The following TSPAN15 variants were observed in gnomAD, a reference collection of about 807,000 sequenced individuals.
TSPAN15 encodes the protein tetraspanin 15, also known as tetraspanin-15.
A neutral mutation model predicts 34.5 loss-of-function variants in TSPAN15; 20 were observed. The ratio of observed to expected loss-of-function variants is 0.58; its 90% confidence interval spans 0.41 to 0.84. The LOEUF (loss-of-function observed/expected upper bound fraction) is 0.84, where lower values mean the gene tolerates loss of function less well. TSPAN15 is among the 40% of genes least tolerant of loss of function. The pLI is 0.00. For synonymous variants in TSPAN15, 155 were observed against 153.9 expected (o/e 1.01, Z -0.05); for missense variants, 313 against 386.1 (o/e 0.81, Z 1.59).
intron 1 of TSPAN15, among the ~76,000 whole-genome samples, chr10:69,476,908 C>T (rs529198039): frequency 6.6e-6 from 1 of 152,076 alleles, no homozygotes; most frequent in South Asian, 2.1e-4. Context: ...GGAGGTGGGG[C>T]CGGTGCTCCC....
In TSPAN15 at chr10:69,485,207, C is replaced by T. The variant is rs769438162; in HGVS notation, c.349C>T (p.Arg117Trp). 2.2e-5 allele frequency: 36 copies of T among 1,614,018 alleles called. No homozygotes were observed. The highest frequency in any genetic ancestry group is 2.7e-5 in the Non-Finnish European group (32 of 1,179,980). Residue 117 changes from arginine (R) to tryptophan (W), a missense_variant, in exon 3 of 8, where the codon CGG becomes TGG. Physicochemically the swap from Arg to Trp is moderately radical, Grantham distance 101 (BLOSUM62 -3). Transcript: ENST00000373290. ...TGGTGGCGTGGTGGCCTTGACCTTC[C>T]GGAACCAGGTGGGCCTGTGGATTTG... Reference protein sequence around the residue: ...LIGGVVALTFRNQTIDFLNDN... With the variant: ...LIGGVVALTFWNQTIDFLNDN...
At chr10:69,513,483 A>G in the TSPAN15 span, among the ~76,000 whole-genome samples, 1 of 152,138 alleles carries the variant, frequency 6.6e-6, no homozygotes, top group Non-Finnish European at 1.5e-5. Context: ...CTGGGATTAC[A>G]GGCATGAGCC....
At chr10:69,515,823 C>T in the TSPAN15 span, among the ~76,000 whole-genome samples, 15 of 152,304 alleles carry the variant, frequency 9.8e-5, no homozygotes, top group African/African-American at 2.6e-4. Flanking sequence ...CTAGGTGGCG[C>T]GGCTGACCCA....
the TSPAN15 span, among the ~76,000 whole-genome samples, chr10:69,536,125 A>G: frequency 6.6e-6 from 1 of 152,344 alleles, no homozygotes; most frequent in African/African-American, 2.4e-5. Flanking sequence ...TCCTGTCATC[A>G]AGCACTGGGC....
chr10:69,533,692 TAATC>T, the TSPAN15 span, among the ~76,000 whole-genome samples: 6 of 152,164 alleles, frequency 3.9e-5, no homozygotes, highest in African/African-American at 1.4e-4. Context: ...AAAAGAAAAT[TAATC>T]AAACCCAAGG....
At chr10:69,537,205 C>T in the TSPAN15 span, among the ~76,000 whole-genome samples, 15,528 of 152,092 alleles carry the variant, frequency 0.1, 1,212 homozygotes, top group East Asian at 0.42. Flanking sequence ...GGCTGCAGGG[C>T]AACAACCGTT....
chr10:69,516,477 G>T, the TSPAN15 span, among the ~76,000 whole-genome samples: 1 of 152,204 alleles, frequency 6.6e-6, no homozygotes, highest in Non-Finnish European at 1.5e-5. Context: ...TTAGACAGCT[G>T]CAGAGGGGCC....
chr10:69,502,646 A>G (rs1842234296), intron 5 of TSPAN15, among the ~76,000 whole-genome samples: 1 of 152,148 alleles, frequency 6.6e-6, no homozygotes, highest in African/African-American at 2.4e-5. Flanking sequence ...AAACCCAGGC[A>G]GGCTTTACTT....
chr10:69,523,193 G>A, the TSPAN15 span: 1 of 252,090 alleles, frequency 4.0e-6, no homozygotes, highest in South Asian at 6.5e-5. Context: ...CCTTTGAATG[G>A]TCTGGGCACC....
At chr10:69,534,072 C>CA in the TSPAN15 span, among the ~76,000 whole-genome samples, 15 of 151,600 alleles carry the variant, frequency 9.9e-5, no homozygotes, top group Non-Finnish European at 1.5e-5. Flanking sequence ...GTCATCTAGG[C>CA]AAAAAAACTC....
At position 69,451,516 on chromosome 10, in the gene TSPAN15, G is replaced by A; in HGVS notation, c.-79G>A. The stretch of plus-strand genomic sequence containing the variant: ...CGGGGCTGGTAGCCCGGCAGCCGCA[G>A]GTGGGGCCACGAGCGCTGGCTGAGG... On this transcript the variant is annotated 5_prime_UTR_variant, in exon 1 of 8. Coordinates refer to ENST00000373290, the MANE Select transcript of TSPAN15 (RefSeq NM_012339.5). 7.8e-7 allele frequency: 1 copy of A among 1,280,528 alleles called. No individual in the cohort carries two copies. Among genetic ancestry groups the A allele is most frequent in the African/African-American group, 1.5e-5 (1 of 64,784 alleles). 79.3% of individuals were successfully genotyped at this position (1,280,528 alleles called of 1,614,324 possible).
intron 1 of TSPAN15, among the ~76,000 whole-genome samples, chr10:69,477,852 G>T (rs754138212): frequency 6.6e-6 from 1 of 152,194 alleles, no homozygotes; most frequent in Non-Finnish European, 1.5e-5. Context: ...AGCCTAGTCT[G>T]TAAAACGAGA....
chr10:69,472,245 C>T (rs1841522341), intron 1 of TSPAN15, among the ~76,000 whole-genome samples: 1 of 152,164 alleles, frequency 6.6e-6, no homozygotes, highest in Non-Finnish European at 1.5e-5. Context: ...ACCTGCTGTT[C>T]CTGTGGTACC....
At chr10:69,479,603 G>T (rs971818736) in intron 1 of TSPAN15, among the ~76,000 whole-genome samples, 1 of 152,268 alleles carries the variant, frequency 6.6e-6, no homozygotes, top group African/African-American at 2.4e-5. Flanking sequence ...GAGCTGAGTG[G>T]CCGGCTGCCT....
rs528230175 is a variant in TSPAN15, at chr10:69,462,640, T to G, written c.96+10950T>G. Among the ~76,000 whole-genome samples, 317 of 152,266 alleles carry G rather than the reference T, an allele frequency of 2.1e-3. 1 individual carries two copies. Among genetic ancestry groups the G allele is most frequent in the African/African-American group, 7.1e-3 (296 of 41,570 alleles). On this transcript the variant is annotated intron_variant, in intron 1 of 7. Transcript: ENST00000373290. ...ATGAGCCACCGCGCCTGGCCCTACC[T>G]GTGATTTTTAAACTTCCCTGGGTGA...
chr10:69,506,749 G>C lies in TSPAN15; in HGVS notation c.736-80G>C, dbSNP rs1001977121. On this transcript the variant is annotated intron_variant, in intron 7 of 7. Coordinates refer to ENST00000373290, the MANE Select transcript of TSPAN15 (RefSeq NM_012339.5). The surrounding 1 kb of genome is among the most constrained non-coding windows in gnomAD (Gnocchi z 4.7). The stretch of plus-strand genomic sequence containing the variant: ...ATGAGGGCTTGGGACTGGCTGCTTG[G>C]GTTTCTGGGAGCCGGGAGCTGCAGG... The C allele has an allele frequency of 6.9e-7, 1 of 1,448,662 alleles. No individual in the cohort carries two copies. The highest frequency in any genetic ancestry group is 9.4e-7 in the Non-Finnish European group (1 of 1,059,822). The allele number at this position is 1,448,662 out of a possible 1,614,324, so 89.7% of individuals were successfully genotyped here. A position where few individuals can be genotyped will look rare whatever the true frequency, so the allele number is the denominator to read the frequency against.
rs200017005 is a variant in TSPAN15 at position 69,459,926 on chromosome 10, C to CA, written c.96+8236_96+8237insA. On this transcript the variant is annotated intron_variant, in intron 1 of 7. Coordinates refer to ENST00000373290, the MANE Select transcript of TSPAN15 (RefSeq NM_012339.5). Reference sequence around the variant, plus strand: ...AGGGAGGGAGACTCTAGGCACCCCCCCCCCACGAATGGAGGGAGACTCTAG... The same window carrying CA: ...AGGGAGGGAGACTCTAGGCACCCCCCACCCCACGAATGGAGGGAGACTCTAG... 2.8e-4 allele frequency among the ~76,000 whole-genome samples: 37 copies of CA among 133,256 alleles called. 1 individual carries two copies. Among genetic ancestry groups the CA allele is most frequent in the South Asian group, 2.0e-3 (8 of 3,928 alleles). 87.4% of individuals were successfully genotyped at this position (133,256 alleles called of 152,430 possible). A position where few individuals can be genotyped will look rare whatever the true frequency, so the allele number is the denominator to read the frequency against.
At chr10:69,482,033 T>C (rs1249636291) in intron 1 of TSPAN15, among the ~76,000 whole-genome samples, 3 of 149,712 alleles carry the variant, frequency 2.0e-5, no homozygotes, top group African/African-American at 7.5e-5. Context: ...GAAAAATCCC[T>C]CCTGGAGCTT....
chr10:69,523,412 T>G, the TSPAN15 span: 15 of 577,266 alleles, frequency 2.6e-5, 1 homozygote, highest in East Asian at 5.6e-4. Flanking sequence ...TAAAAGCTGG[T>G]GAAGAATAAG....
Sources: gnomAD v4.1 joint callset for allele counts (sites outside exome capture counted in the v4.1 genomes callset) on GRCh38, gnomAD v4.1.1 for gene constraint, Gnocchi (gnomAD v3.1) non-coding constraint, MANE v1.5 for transcripts, NCBI Gene and HGNC (gene_info 2026-07-23, HGNC 2026-07-21) for gene names.